Variants in PPIP5K2 observed in about 807,000 individuals in gnomAD.
PPIP5K2 encodes diphosphoinositol pentakisphosphate kinase 2.
A neutral mutation model predicts 154.6 loss-of-function variants in PPIP5K2; 105 were observed. That is an observed-to-expected ratio of 0.68 (90% confidence interval 0.58 to 0.80). The LOEUF (loss-of-function observed/expected upper bound fraction) is 0.80, where lower values mean the gene tolerates loss of function less well. Ranked by LOEUF, PPIP5K2 falls within the 30% of genes least tolerant of loss-of-function variation. The pLI, the probability that PPIP5K2 is intolerant of heterozygous loss-of-function variation, is 0.00. For missense variants in PPIP5K2, 992 were observed against 1,504.6 expected (o/e 0.66, Z 5.64); for synonymous variants, 480 against 490.3 (o/e 0.98, Z 0.28).
At position 103,136,662 on chromosome 5, in the gene PPIP5K2, A is replaced by G. The variant is rs1296704902; in HGVS notation, c.311-70A>G. 3.3e-6 allele frequency: 4 copies of G among 1,222,784 alleles called. No homozygotes were observed. The African/African-American group carries it at 4.5e-5, about 14-fold the overall frequency. The allele number at this position is 1,222,784 out of a possible 1,614,324, so 75.7% of individuals were successfully genotyped here. Reference sequence around the variant, plus strand: ...GAATCTTTTATGGGAGGTGGCATCAATTCAAGTTAATAAAGTATAGATGCT... The same window carrying G: ...GAATCTTTTATGGGAGGTGGCATCAGTTCAAGTTAATAAAGTATAGATGCT... On this transcript the variant is annotated intron_variant, in intron 3 of 30. Transcript: ENST00000358359.
chr5:103,195,520 G>C (rs1217944468), intron 30 of PPIP5K2, among the ~76,000 whole-genome samples: 1 of 151,992 alleles, frequency 6.6e-6, no homozygotes, highest in African/African-American at 2.4e-5. Context: ...TTCTCAGTCT[G>C]ACTATGTGAC....
chr5:103,165,855 G>C (rs1240095531), intron 17 of PPIP5K2, among the ~76,000 whole-genome samples: 1 of 152,056 alleles, frequency 6.6e-6, no homozygotes, highest in Non-Finnish European at 1.5e-5. Context: ...ACAATAGCCA[G>C]TACCATAGAC....
chr5:103,148,123 T>C (rs1794031974), intron 7 of PPIP5K2, 91 bp downstream of exon 7: 6 of 890,520 alleles, frequency 6.7e-6, no homozygotes, highest in Non-Finnish European at 1.1e-5. Flanking sequence ...TATCTAACCT[T>C]TATTCTGGAT....
chr5:103,142,669 G>A (rs903743455), intron 5 of PPIP5K2, among the ~76,000 whole-genome samples: 15 of 152,176 alleles, frequency 9.9e-5, no homozygotes, highest in Admixed American at 5.2e-4. Flanking sequence ...CCAGCTACTC[G>A]GGAGGCTGAG....
In PPIP5K2 at chr5:103,201,861, T is replaced by C; in HGVS notation, c.*227T>C. On this transcript the variant is annotated 3_prime_UTR_variant, in exon 31 of 31. Coordinates refer to ENST00000358359, the MANE Select transcript of PPIP5K2 (RefSeq NM_001276277.3). Reference sequence around the variant, plus strand: ...TGATAAAAATCGATTGTTGTTAATATGATGTTTACCATGTGCACATAGTAA... The same window carrying C: ...TGATAAAAATCGATTGTTGTTAATACGATGTTTACCATGTGCACATAGTAA... The C allele has an allele frequency of 8.6e-6, 4 of 462,606 alleles. No homozygotes were observed. Among genetic ancestry groups the C allele is most frequent in the Middle Eastern group, 5.9e-4 (1 of 1,682 alleles). The allele number at this position is 462,606 out of a possible 1,614,324, so 28.7% of individuals were successfully genotyped here. A position where few individuals can be genotyped will look rare whatever the true frequency, so the allele number is the denominator to read the frequency against.
intron 5 of PPIP5K2, among the ~76,000 whole-genome samples, chr5:103,142,390 C>T (rs960871110): frequency 3.9e-5 from 6 of 152,216 alleles, no homozygotes; most frequent in Admixed American, 1.3e-4. Flanking sequence ...AGCACCGCCC[C>T]GCAGCCCCAG....
chr5:103,183,519 G>T, intron 25 of PPIP5K2, 112 bp downstream of exon 25: 1 of 940,326 alleles, frequency 1.1e-6, no homozygotes, highest in East Asian at 3.0e-5. Flanking sequence ...AAATCCTTCT[G>T]TTTTTTAATT....
chr5:103,142,322 G>A (rs749880197), intron 5 of PPIP5K2, among the ~76,000 whole-genome samples: 1 of 152,178 alleles, frequency 6.6e-6, no homozygotes, highest in East Asian at 1.9e-4. Context: ...CGGCTGCTCC[G>A]AGTGCGGGGC....
chr5:103,123,671 T>A (rs1201838178), intron 1 of PPIP5K2, among the ~76,000 whole-genome samples: 2 of 152,250 alleles, frequency 1.3e-5, no homozygotes, highest in East Asian at 3.8e-4. Flanking sequence ...TAGGAATTCC[T>A]AATCTGTGAT....
Position 103,210,845 on chromosome 5 carries a change from A to T in PPIP5K2, c.*9211A>T, listed in dbSNP as rs1165736528. ...TTTTGTTATTATCCAGAATACATTTAGTTCTGGATTTTGTTTGATATTGTG... is the reference window on the plus strand; with the variant it reads ...TTTTGTTATTATCCAGAATACATTTTGTTCTGGATTTTGTTTGATATTGTG... On this transcript the variant is annotated 3_prime_UTR_variant, in exon 31 of 31. Transcript: ENST00000358359. 5.3e-5 allele frequency: 8 copies of T among 152,142 alleles called. No homozygotes were observed. The highest frequency in any genetic ancestry group is 8.8e-5 in the Non-Finnish European group (6 of 67,990). 9.4% of individuals were successfully genotyped at this position (152,142 alleles called of 1,614,324 possible). A position where few individuals can be genotyped will look rare whatever the true frequency, so the allele number is the denominator to read the frequency against.
chr5:103,197,081 T>C (rs1802202376), intron 30 of PPIP5K2, among the ~76,000 whole-genome samples: 3 of 152,200 alleles, frequency 2.0e-5, no homozygotes, highest in Admixed American at 2.0e-4. Flanking sequence ...AAATTTGATT[T>C]TGAAGAAATT....
At chr5:103,161,084 A>G (rs1385829700) in intron 17 of PPIP5K2, among the ~76,000 whole-genome samples, 1 of 151,676 alleles carries the variant, frequency 6.6e-6, no homozygotes, top group Non-Finnish European at 1.5e-5. Flanking sequence ...CATTAGGTAT[A>G]TCTCCTAATG....
chr5:103,135,374 G>A (rs190417896), intron 3 of PPIP5K2, among the ~76,000 whole-genome samples: 5 of 152,298 alleles, frequency 3.3e-5, no homozygotes, highest in Admixed American at 3.3e-4. Flanking sequence ...GTCTTTAACT[G>A]TTACGGTATA....
intron 17 of PPIP5K2, among the ~76,000 whole-genome samples, chr5:103,160,016 C>G (rs1315166425): frequency 1.3e-5 from 2 of 152,074 alleles, no homozygotes; most frequent in African/African-American, 4.8e-5. Flanking sequence ...TGAGATTATA[C>G]ATATTTGTCA....
chr5:103,173,095 A>AT (rs1350263059), intron 19 of PPIP5K2, 60 bp from the exon 20 acceptor site: 2 of 1,396,840 alleles, frequency 1.4e-6, no homozygotes, highest in Non-Finnish European at 1.9e-6. Flanking sequence ...TTAGGAGTGT[A>AT]TTTTTTTAGA....
chr5:103,137,150 T>C (rs911803505), intron 4 of PPIP5K2, among the ~76,000 whole-genome samples: 1 of 151,764 alleles, frequency 6.6e-6, no homozygotes, highest in African/African-American at 2.4e-5. Flanking sequence ...AGGACTTTAC[T>C]CATTATAACT....
At chr5:103,185,184 A>G (rs1554224466) in intron 26 of PPIP5K2, among the ~76,000 whole-genome samples, 2 of 152,134 alleles carry the variant, frequency 1.3e-5, no homozygotes, top group African/African-American at 4.8e-5. Context: ...AGCAGCTCGT[A>G]AGGAAAACCA....
At chr5:103,148,134 C>G in intron 7 of PPIP5K2, 102 bp downstream of exon 7, 1 of 860,462 alleles carries the variant, frequency 1.2e-6, no homozygotes, top group Non-Finnish European at 1.9e-6. Flanking sequence ...TATTCTGGAT[C>G]TCTTTCTTTT....
intron 21 of PPIP5K2, 176 bp downstream of exon 21, chr5:103,174,148 G>A (rs1219815695): frequency 4.0e-6 from 2 of 498,042 alleles, no homozygotes; most frequent in Non-Finnish European, 7.0e-6. Context: ...GGATAAAGAT[G>A]TTCTCTTCAG....
Sources: gnomAD v4.1 joint callset for allele counts (sites outside exome capture counted in the v4.1 genomes callset) on GRCh38, gnomAD v4.1.1 for gene constraint, MANE v1.5 for transcripts, NCBI Gene and HGNC (gene_info 2026-07-23, HGNC 2026-07-21) for gene names.